ADGRB3: variants seen among roughly 807,000 people sequenced by gnomAD.
The protein encoded by ADGRB3 is brain-specific angiogenesis inhibitor 3.
Under a neutral mutation model 193.4 loss-of-function variants are expected in ADGRB3, and 37 were observed. The ratio of observed to expected loss-of-function variants is 0.19; its 90% CI spans 0.15 to 0.25. The LOEUF is 0.25. Among genes scored for constraint, ADGRB3 ranks in the 10% least tolerant of loss-of-function variants. The pLI, the probability that ADGRB3 is intolerant of heterozygous loss-of-function variation, is 1.00. For synonymous variants in ADGRB3, 690 were observed against 644.2 expected (o/e 1.07, Z -1.08); for missense variants, 1,637 against 1,852.9 (o/e 0.88, Z 2.14).
In ADGRB3 at chr6:68,639,293, G is replaced by T. The variant is rs1408601360; in HGVS notation, c.618G>T (p.Gly206=). Reference sequence around the variant, plus strand: ...GCCCTCAGCATTTGGGAGAGTGGGGGATCGACGACCAGTCGCTGATTTTGT... The same window carrying T: ...GCCCTCAGCATTTGGGAGAGTGGGGTATCGACGACCAGTCGCTGATTTTGT... ...CTCPQHLGEW[G]IDDQSLILLN... Residue 206 remains glycine (G), a synonymous_variant, in exon 3 of 32, where the codon GGG becomes GGT. Coordinates refer to ENST00000370598, the MANE Select transcript of ADGRB3 (RefSeq NM_001704.3). 1.9e-6 allele frequency: 3 copies of T among 1,614,112 alleles called. No individual in the cohort carries two copies. The highest frequency in any genetic ancestry group is 1.1e-5 in the South Asian group (1 of 91,078).
At chr6:68,691,871 C>G (rs1765082643) in intron 3 of ADGRB3, among the ~76,000 whole-genome samples, 1 of 151,050 alleles carries the variant, frequency 6.6e-6, no homozygotes, top group African/African-American at 2.4e-5. Flanking sequence ...TGTATGTATG[C>G]AATCGAGATA....
At chr6:69,082,170 T>A (rs954829067) in intron 17 of ADGRB3, among the ~76,000 whole-genome samples, 14 of 152,094 alleles carry the variant, frequency 9.2e-5, no homozygotes, top group African/African-American at 3.4e-4. Flanking sequence ...ATTTACTATT[T>A]AGTCTTTTAT....
intron 3 of ADGRB3, among the ~76,000 whole-genome samples, chr6:68,890,618 T>C (rs906450657): frequency 6.6e-6 from 1 of 152,234 alleles, no homozygotes; most frequent in Non-Finnish European, 1.5e-5. Flanking sequence ...ACACTATTCT[T>C]GATCTTAGAG....
At chr6:68,980,338 A>T (rs1336649) in intron 10 of ADGRB3, among the ~76,000 whole-genome samples, 83,385 of 151,000 alleles carry the variant, frequency 0.55, 24,343 homozygotes, top group East Asian at 0.69. Context: ...ATTAGAACAG[A>T]TAGCTGGAGC....
intron 3 of ADGRB3, among the ~76,000 whole-genome samples, chr6:68,862,519 G>C (rs912360046): frequency 5.3e-5 from 8 of 152,136 alleles, no homozygotes; most frequent in African/African-American, 1.7e-4. Context: ...TGTGAAGAAG[G>C]TACTATATTT....
At chr6:69,108,785 C>T (rs1005004425) in intron 17 of ADGRB3, among the ~76,000 whole-genome samples, 4 of 152,070 alleles carry the variant, frequency 2.6e-5, no homozygotes, top group African/African-American at 9.7e-5. Flanking sequence ...TGTGTAGTGC[C>T]CTCAAGAATC....
chr6:69,079,461 C>T (rs1382931390), intron 17 of ADGRB3, among the ~76,000 whole-genome samples: 2 of 152,008 alleles, frequency 1.3e-5, no homozygotes, highest in African/African-American at 4.8e-5. Context: ...AAACCTACAG[C>T]CAATATCATA....
At chr6:68,974,663 C>G in intron 8 of ADGRB3, 100 bp from the exon 9 acceptor site, 1 of 858,842 alleles carries the variant, frequency 1.2e-6, no homozygotes, top group Non-Finnish European at 1.8e-6. Flanking sequence ...AAAAAGAAAA[C>G]TAAAGAGCTC....
At chr6:68,910,253 G>C (rs995438133) in intron 3 of ADGRB3, among the ~76,000 whole-genome samples, 9 of 152,096 alleles carry the variant, frequency 5.9e-5, no homozygotes, top group Non-Finnish European at 1.2e-4. Context: ...CGATGGGGTT[G>C]TTTGTTTTTT....
At chr6:68,834,540 T>A (rs1302676086) in intron 3 of ADGRB3, among the ~76,000 whole-genome samples, 3 of 152,142 alleles carry the variant, frequency 2.0e-5, no homozygotes, top group Non-Finnish European at 4.4e-5. Context: ...AATTCAAAAT[T>A]ATAGAACAAA....
At chr6:68,918,871 G>A (rs1206808519) in intron 3 of ADGRB3, among the ~76,000 whole-genome samples, 10 of 152,068 alleles carry the variant, frequency 6.6e-5, no homozygotes, top group Admixed American at 5.2e-4. Flanking sequence ...GTTGGATGGA[G>A]TAGAGAGGGA....
At chr6:69,204,455 G>A (rs1471325759) in intron 17 of ADGRB3, among the ~76,000 whole-genome samples, 1 of 152,082 alleles carries the variant, frequency 6.6e-6, no homozygotes, top group African/African-American at 2.4e-5. Flanking sequence ...GGTATTCTAA[G>A]GATAGTGATT....
At chr6:68,755,646 C>T (rs560838936) in intron 3 of ADGRB3, among the ~76,000 whole-genome samples, 8 of 152,094 alleles carry the variant, frequency 5.3e-5, no homozygotes, top group Admixed American at 5.2e-4. Context: ...CAGAGATCAA[C>T]CCAGGGGACT....
intron 17 of ADGRB3, among the ~76,000 whole-genome samples, chr6:69,114,442 C>A (rs192617920): frequency 6.6e-6 from 1 of 152,268 alleles, no homozygotes; most frequent in East Asian, 1.9e-4. Context: ...CAAAAATTTT[C>A]TCCCATTCTA....
intron 16 of ADGRB3, among the ~76,000 whole-genome samples, chr6:69,070,278 A>C (rs1440040723): frequency 2.0e-5 from 3 of 152,192 alleles, no homozygotes; most frequent in Non-Finnish European, 4.4e-5. Flanking sequence ...CAAGCATTCA[A>C]AAATCTGAAT....
At chr6:68,918,271 TG>T in intron 3 of ADGRB3, among the ~76,000 whole-genome samples, 1 of 152,262 alleles carries the variant, frequency 6.6e-6, no homozygotes, top group Non-Finnish European at 1.5e-5. Context: ...GGGAATAATT[TG>T]ACATGTAAGA....
At chr6:68,986,042 C>T (rs746291089) in intron 10 of ADGRB3, among the ~76,000 whole-genome samples, 47 of 152,086 alleles carry the variant, frequency 3.1e-4, no homozygotes, top group Non-Finnish European at 1.6e-4. Flanking sequence ...GTCCTTTGCT[C>T]AGGATTGCAG....
At chr6:69,336,128 G>A (rs996082308) in intron 24 of ADGRB3, among the ~76,000 whole-genome samples, 2 of 151,814 alleles carry the variant, frequency 1.3e-5, no homozygotes, top group Non-Finnish European at 2.9e-5. Flanking sequence ...TCAGGGATTT[G>A]TTGTACAGAT....
intron 1 of ADGRB3, among the ~76,000 whole-genome samples, chr6:68,636,864 T>G (rs1347867098): frequency 6.6e-6 from 1 of 151,028 alleles, no homozygotes; most frequent in Non-Finnish European, 1.5e-5. Context: ...ATGGAATTCC[T>G]AATTTAGACA....
Sources: allele counts gnomAD v4.1 joint callset (sites outside exome capture counted in the v4.1 genomes callset), GRCh38; gene constraint gnomAD v4.1.1; transcripts MANE v1.5; gene names NCBI Gene and HGNC (gene_info 2026-07-23, HGNC 2026-07-21).